FNIP1: variants seen among roughly 807,000 people sequenced by gnomAD.
The protein encoded by FNIP1 is folliculin interacting protein 1.
In FNIP1, 40 loss-of-function variants were observed where a neutral mutation model predicts 124.5. That is an observed-to-expected ratio of 0.32 (90% CI 0.25 to 0.42). The LOEUF (loss-of-function observed/expected upper bound fraction) is 0.42, where lower values mean the gene tolerates loss of function less well. FNIP1 is among the 10% of genes least tolerant of loss of function. The pLI is 1.00. For synonymous variants in FNIP1, 472 were observed against 470.6 expected, an observed-to-expected ratio of 1.00 and a Z score of -0.04; for missense variants, 1,176 against 1,403.7, an observed-to-expected ratio of 0.84 and a Z score of 2.59.
intron 2 of FNIP1, among the ~76,000 whole-genome samples, chr5:131,739,022 G>C (rs1450733628): frequency 1.3e-5 from 2 of 151,812 alleles, no homozygotes; most frequent in Non-Finnish European, 2.9e-5. Flanking sequence ...TCCTATGTTG[G>C]CCAGACTGGT....
intron 1 of FNIP1, among the ~76,000 whole-genome samples, chr5:131,782,415 G>A (rs1772025029): frequency 6.6e-6 from 1 of 151,682 alleles, no homozygotes; most frequent in South Asian, 2.1e-4. Flanking sequence ...AACCAAACAC[G>A]CACAAAAATT....
Position 131,670,618 on chromosome 5 carries a change from C to T in FNIP1, c.2953G>A (p.Glu985Lys), listed in dbSNP as rs1767721686. 8 of 1,598,932 alleles carry T rather than the reference C, an allele frequency of 5.0e-6. No individual in the cohort carries two copies. Among genetic ancestry groups the T allele is most frequent in the African/African-American group, 2.7e-5 (2 of 73,920 alleles). ...EIPFPGSKLI[E>K]VSAVQPNIAN... Reference sequence around the variant, plus strand: ...ATGTTGGGCTGAACAGCACTCACTTCGATTAACTTTGACCTGGAAGAAAAA... The same window carrying T: ...ATGTTGGGCTGAACAGCACTCACTTTGATTAACTTTGACCTGGAAGAAAAA... Residue 985 changes from glutamate to lysine, a missense_variant, in exon 15 of 18, where the codon GAA becomes AAA. Glu to Lys is a moderately conservative substitution (Grantham distance 56). Transcript: ENST00000510461.
At chr5:131,760,137 C>T (rs1262103132) in intron 1 of FNIP1, among the ~76,000 whole-genome samples, 1 of 152,096 alleles carries the variant, frequency 6.6e-6, no homozygotes, top group Admixed American at 6.6e-5. Flanking sequence ...GAGTACTATG[C>T]TCACTACCTG....
At chr5:131,714,813 A>G (rs1450810395) in intron 6 of FNIP1, among the ~76,000 whole-genome samples, 1 of 152,220 alleles carries the variant, frequency 6.6e-6, no homozygotes. Flanking sequence ...CTAAGAATTT[A>G]CTATAGTATA....
At chr5:131,697,550 T>C (rs1324246240) in intron 11 of FNIP1, among the ~76,000 whole-genome samples, 1 of 152,128 alleles carries the variant, frequency 6.6e-6, no homozygotes, top group Non-Finnish European at 1.5e-5. Context: ...TATTTAGGTA[T>C]AAAAGATGGT....
At chr5:131,661,220 T>TTGTGTGTGTGTG (rs370206265) in intron 15 of FNIP1, among the ~76,000 whole-genome samples, 5 of 147,636 alleles carry the variant, frequency 3.4e-5, no homozygotes, top group African/African-American at 1.3e-4. Flanking sequence ...TGTCTTTGTT[T>TTGTGTGTGTGTG]TGTGTGTGTG....
At chr5:131,784,871 A>G (rs1349505846) in intron 1 of FNIP1, among the ~76,000 whole-genome samples, 1 of 149,744 alleles carries the variant, frequency 6.7e-6, no homozygotes, top group East Asian at 1.9e-4. Flanking sequence ...TTCAAAAAAA[A>G]AAACAGCAAA....
At chr5:131,688,250 G>C (rs1194181399) in intron 11 of FNIP1, among the ~76,000 whole-genome samples, 1 of 150,530 alleles carries the variant, frequency 6.6e-6, no homozygotes, top group East Asian at 2.0e-4. Context: ...ATTCAAAGAA[G>C]TAGTTCTTGG....
intron 2 of FNIP1, among the ~76,000 whole-genome samples, chr5:131,737,066 G>A (rs907638323): frequency 1.3e-5 from 2 of 152,176 alleles, no homozygotes; most frequent in African/African-American, 4.8e-5. Context: ...GAAGGTATTT[G>A]TTTTTGTGGG....
At position 131,740,657 on chromosome 5, in the gene FNIP1, G is replaced by A. The variant is rs562042755; in HGVS notation, c.219+3907C>T. On this transcript the variant is annotated intron_variant, in intron 2 of 17. Transcript: ENST00000510461. ...ATATCTCAATATATTTTTCTACCAC[G>A]GGAAGGTTCTTCTGTCAGAGATGTT... is the stretch of plus-strand genomic sequence containing the variant. Among the ~76,000 whole-genome samples, 34 of 152,218 alleles carry A rather than the reference G, an allele frequency of 2.2e-4. No homozygotes were observed. In the South Asian group the frequency reaches 6.4e-3, roughly 29 times the overall value.
chr5:131,795,022 T>G (rs1001274933), intron 1 of FNIP1, among the ~76,000 whole-genome samples: 3 of 152,360 alleles, frequency 2.0e-5, no homozygotes, highest in Non-Finnish European at 2.9e-5. Context: ...GAAATAGTTT[T>G]TAAAAAACCC....
chr5:131,706,867 C>CCTTTTAGTT (rs1180196390), intron 8 of FNIP1, among the ~76,000 whole-genome samples: 1 of 152,164 alleles, frequency 6.6e-6, no homozygotes, highest in Non-Finnish European at 1.5e-5. Context: ...TCAGTTGAAT[C>CCTTTTAGTT]CTTTTAGTTC....
Position 131,719,326 on chromosome 5 carries a change from T to C in FNIP1, c.446A>G (p.His149Arg). ...MSYKGSTLKI[H>R]QIRSPPQLML... The stretch of plus-strand genomic sequence containing the variant: ...TCAGAAAACCTCTCACCGAATCTGA[T>C]GAATTTTTAAGGTGGATCCTTTGTA... The change falls in exon 4 of 18, where the codon CAT (histidine) becomes CGT (arginine). Residue 149 changes from histidine to arginine, a missense_variant. Coordinates refer to ENST00000510461, the MANE Select transcript of FNIP1 (RefSeq NM_133372.3). 6.2e-7 allele frequency: 1 copy of C among 1,603,000 alleles called. No individual in the cohort carries two copies. The highest frequency in any genetic ancestry group is 1.1e-5 in the South Asian group (1 of 88,372).
At chr5:131,778,005 C>G (rs1274355446) in intron 1 of FNIP1, among the ~76,000 whole-genome samples, 1 of 152,176 alleles carries the variant, frequency 6.6e-6, no homozygotes, top group African/African-American at 2.4e-5. Context: ...CAGGTTGACA[C>G]CCCATAAACC....
rs141381526 is a variant in FNIP1 at position 131,648,714 on chromosome 5, T to C, written c.3307-1509A>G. On this transcript the variant is annotated intron_variant, in intron 16 of 17. Coordinates refer to ENST00000510461, the MANE Select transcript of FNIP1 (RefSeq NM_133372.3). ...AAGAGCATTCGATGTTGTGCAACCA[T>C]CACCACCATCCATTTCCAGAACATT... Among the ~76,000 whole-genome samples the C allele has an allele frequency of 3.7e-3, 567 of 152,322 alleles. 4 individuals carry two copies. Among genetic ancestry groups the C allele is most frequent in the African/African-American group, 0.013 (537 of 41,566 alleles).
chr5:131,738,256 T>C (rs1320893071), intron 2 of FNIP1, among the ~76,000 whole-genome samples: 2 of 152,174 alleles, frequency 1.3e-5, no homozygotes, highest in Non-Finnish European at 2.9e-5. Flanking sequence ...TATCAATTTG[T>C]ATATCAACGC....
At chr5:131,734,686 A>T (rs1770226521) in intron 2 of FNIP1, among the ~76,000 whole-genome samples, 1 of 152,254 alleles carries the variant, frequency 6.6e-6, no homozygotes, top group Non-Finnish European at 1.5e-5. Flanking sequence ...GAAGACATTT[A>T]TGCAGCCAAC....
intron 1 of FNIP1, among the ~76,000 whole-genome samples, chr5:131,750,060 G>C (rs1454995288): frequency 6.6e-6 from 1 of 152,158 alleles, no homozygotes; most frequent in East Asian, 1.9e-4. Flanking sequence ...CTAGGACGAT[G>C]TACTGGCTGC....
intron 11 of FNIP1, among the ~76,000 whole-genome samples, chr5:131,683,416 G>A (rs971023292): frequency 6.6e-6 from 1 of 151,908 alleles, no homozygotes; most frequent in African/African-American, 2.4e-5. Context: ...AGCCAGGCGT[G>A]GTGGTGGGCA....
Sources: allele counts gnomAD v4.1 joint callset (sites outside exome capture counted in the v4.1 genomes callset), GRCh38; gene constraint gnomAD v4.1.1; transcripts MANE v1.5; gene names NCBI Gene and HGNC (gene_info 2026-07-23, HGNC 2026-07-21).